The following RPS6KA2 variants were observed in gnomAD, a reference collection of about 807,000 sequenced individuals.
The protein encoded by RPS6KA2 is ribosomal protein S6 kinase alpha-2.
A neutral mutation model predicts 91.8 loss-of-function variants in RPS6KA2; 42 were observed. The ratio of observed to expected loss-of-function variants is 0.46; its 90% CI spans 0.36 to 0.59. The LOEUF is 0.59. RPS6KA2 is among the 20% of genes least tolerant of loss of function. RPS6KA2 has a pLI of 0.00. For synonymous variants in RPS6KA2, 414 were observed against 393.6 expected (o/e 1.05, Z -0.61); for missense variants, 798 against 978.5 (o/e 0.82, Z 2.46).
At chr6:166,676,586 G>A (rs1267141598) in intron 2 of RPS6KA2, among the ~76,000 whole-genome samples, 4 of 152,128 alleles carry the variant, frequency 2.6e-5, no homozygotes, top group East Asian at 1.9e-4. Context: ...AACCAGGACC[G>A]TTCCAGGCAC....
intron 2 of RPS6KA2, among the ~76,000 whole-genome samples, chr6:166,832,036 TGATAGATAGATAGATAGATA>T (rs58214863): frequency 0.028 from 4,071 of 148,022 alleles, 185 homozygotes; most frequent in African/African-American, 0.097. Context: ...AGATGATACA[TGATAGATAGATAGATAGATA>T]GATAGATAGA....
intron 2 of RPS6KA2, among the ~76,000 whole-genome samples, chr6:166,802,130 C>A (rs1051164584): frequency 1.3e-5 from 2 of 151,768 alleles, no homozygotes; most frequent in Non-Finnish European, 2.9e-5. Context: ...ATTAGCCAGG[C>A]GTGGTGGTGG....
intron 2 of RPS6KA2, among the ~76,000 whole-genome samples, chr6:166,847,512 C>T (rs116462244): frequency 0.032 from 4,806 of 152,174 alleles, 276 homozygotes; most frequent in African/African-American, 0.11. Context: ...CCAAACTATA[C>T]TGTAATGTCA....
Position 166,448,295 on chromosome 6 carries a change from G to C in RPS6KA2, c.1332+429C>G, listed in dbSNP as rs1779743543. Among the ~76,000 whole-genome samples the C allele has an allele frequency of 6.6e-6, 1 of 151,918 alleles. No individual in the cohort carries two copies. The highest frequency in any genetic ancestry group is 2.4e-5 in the African/African-American group (1 of 41,336). On this transcript the variant is annotated intron_variant, in intron 14 of 20. Coordinates refer to ENST00000265678, the MANE Select transcript of RPS6KA2 (RefSeq NM_021135.6). This position sits in a 1 kb window ranked among gnomAD's most constrained non-coding sequence, Gnocchi z 4.7. Reference sequence around the variant, plus strand: ...AATTCTATACCTGTCCCCCAACTCTGTTTTCTCAAAATACTGGGGGCCCAA... The same window carrying C: ...AATTCTATACCTGTCCCCCAACTCTCTTTTCTCAAAATACTGGGGGCCCAA...
At chr6:166,440,028 A>G (rs1429152986) in intron 14 of RPS6KA2, 2 of 152,210 alleles carry the variant, frequency 1.3e-5, no homozygotes, top group Admixed American at 6.5e-5. Context: ...GAGCCCGCGG[A>G]AGGAACCAGC....
At chr6:166,430,305 C>G (rs532975992) in intron 16 of RPS6KA2, 148 bp downstream of exon 16, 1 of 758,890 alleles carries the variant, frequency 1.3e-6, no homozygotes, top group South Asian at 1.8e-5. Context: ...CGTCACTGAG[C>G]CTCCAGACAC....
rs1779749041 is a variant in RPS6KA2, at chr6:166,448,530, C to T, written c.1332+194G>A. On this transcript the variant is annotated intron_variant, in intron 14 of 20. Coordinates refer to ENST00000265678, the MANE Select transcript of RPS6KA2 (RefSeq NM_021135.6). This position sits in a 1 kb window ranked among gnomAD's most constrained non-coding sequence, Gnocchi z 4.7. ...CAGGCTCAGGTGTCCCTGCTGGAGT[C>T]ACTGCACAGCTGAGCACGTGAGCAC... Among the ~76,000 whole-genome samples, 2 of 152,206 alleles carry T rather than the reference C, an allele frequency of 1.3e-5. No individual in the cohort carries two copies. Among genetic ancestry groups the T allele is most frequent in the Admixed American group, 1.3e-4 (2 of 15,276 alleles).
Position 166,731,137 on chromosome 6 carries a change from G to C in RPS6KA2, c.123+127063C>G, listed in dbSNP as rs187887121. On this transcript the variant is annotated intron_variant, in intron 2 of 21. Transcript: ENST00000503859. The stretch of plus-strand genomic sequence containing the variant: ...CATGCCTGTAATCCCAGCTACTCGG[G>C]AGGTTGGGGCAGGACAATTGCTTGA... 6.0e-3 allele frequency among the ~76,000 whole-genome samples: 918 copies of C among 152,248 alleles called. 9 individuals carry two copies. The highest frequency in any genetic ancestry group is 0.021 in the African/African-American group (867 of 41,526).
chr6:166,789,280 T>A (rs879725505), intron 2 of RPS6KA2, among the ~76,000 whole-genome samples: 4 of 152,058 alleles, frequency 2.6e-5, no homozygotes, highest in Non-Finnish European at 4.4e-5. Flanking sequence ...CAGTCTAAGA[T>A]CAAACTGCAA....
Position 166,662,129 on chromosome 6 carries a change from CTACT to C in RPS6KA2, c.124-123349_124-123346del, listed in dbSNP as rs1788179007. ...ATTATGAATATTTCTTAATTTTTAC[CTACT>C]TAATATTTTAAAATCAGAAACTGTC... On this transcript the variant is annotated intron_variant, in intron 2 of 21. Transcript: ENST00000503859. This position sits in a 1 kb window ranked among gnomAD's most constrained non-coding sequence, Gnocchi z 4.3. Among the ~76,000 whole-genome samples, 2 of 152,024 alleles carry C rather than the reference CTACT, an allele frequency of 1.3e-5. No homozygotes were observed. The highest frequency in any genetic ancestry group is 2.9e-5 in the Non-Finnish European group (2 of 68,012).
In RPS6KA2 at chr6:166,432,412, T is replaced by C; in HGVS notation, c.1411A>G (p.Thr471Ala). Reference protein sequence around the residue: ...LRYGQHPNIITLKDVYDDGKF... With the variant: ...LRYGQHPNIIALKDVYDDGKF... Reference sequence around the variant, plus strand: ...CGGGGACCACTCACATCCTTGAGGGTGATGATGTTCGGGTGCTGGCCGTAC... The same window carrying C: ...CGGGGACCACTCACATCCTTGAGGGCGATGATGTTCGGGTGCTGGCCGTAC... The change falls in exon 15 of 21, where the codon ACC (threonine) becomes GCC (alanine). Residue 471 changes from threonine to alanine, a missense_variant. By Grantham distance (58) the Thr-to-Ala change is moderately conservative. Transcript: ENST00000265678. The C allele has an allele frequency of 1.2e-6, 2 of 1,610,252 alleles. No individual in the cohort carries two copies. The highest frequency in any genetic ancestry group is 2.2e-5 in the South Asian group (2 of 90,838).
intron 1 of RPS6KA2, among the ~76,000 whole-genome samples, chr6:166,621,293 C>T (rs548382312): frequency 2.8e-4 from 43 of 152,316 alleles, no homozygotes; most frequent in Non-Finnish European, 4.9e-4. Flanking sequence ...GCACATTTGT[C>T]CTCCACGCCC....
Position 166,662,990 on chromosome 6 carries a change from A to G in RPS6KA2, c.124-124206T>C, listed in dbSNP as rs376722444. On this transcript the variant is annotated intron_variant, in intron 2 of 21. Transcript: ENST00000503859. The surrounding 1 kb of genome is among the most constrained non-coding windows in gnomAD (Gnocchi z 4.3). ...TCTGCAAGCAAGAGGAGAGCCACGG[A>G]AGACACCAGCCCCACCAAGACCTCG... Among the ~76,000 whole-genome samples the G allele has an allele frequency of 1.3e-5, 2 of 152,166 alleles. No homozygotes were observed. Among genetic ancestry groups the G allele is most frequent in the African/African-American group, 4.8e-5 (2 of 41,440 alleles).
chr6:166,662,333 T>C lies in RPS6KA2; in HGVS notation c.124-123549A>G, dbSNP rs1788184290. Among the ~76,000 whole-genome samples the C allele has an allele frequency of 6.6e-6, 1 of 152,204 alleles. No homozygotes were observed. The highest frequency in any genetic ancestry group is 2.4e-5 in the African/African-American group (1 of 41,444). On this transcript the variant is annotated intron_variant, in intron 2 of 21. Transcript: ENST00000503859. This position sits in a 1 kb window ranked among gnomAD's most constrained non-coding sequence, Gnocchi z 4.3. The stretch of plus-strand genomic sequence containing the variant: ...TCAGTAAGGTAATTTAGCTATCCAT[T>C]GGCAGGCAAAGGACGTATTTGATGC...
intron 2 of RPS6KA2, among the ~76,000 whole-genome samples, chr6:166,723,937 T>TGATC: frequency 6.6e-6 from 1 of 152,112 alleles, no homozygotes; most frequent in Admixed American, 6.5e-5. Flanking sequence ...TGACCTCAGG[T>TGATC]GATCCACTCT....
At chr6:166,844,474 T>A (rs1307534121) in intron 2 of RPS6KA2, among the ~76,000 whole-genome samples, 1 of 152,294 alleles carries the variant, frequency 6.6e-6, no homozygotes, top group East Asian at 1.9e-4. Context: ...AGTCATCAAG[T>A]TATCTACAGT....
chr6:166,637,205 A>C (rs1023763488), intron 2 of RPS6KA2, among the ~76,000 whole-genome samples: 8 of 152,190 alleles, frequency 5.3e-5, no homozygotes, highest in African/African-American at 1.7e-4. Flanking sequence ...GAGGACAGAG[A>C]GGCTGTGTGG....
chr6:166,438,611 G>C (rs1187138435), intron 14 of RPS6KA2, among the ~76,000 whole-genome samples: 2 of 152,228 alleles, frequency 1.3e-5, no homozygotes, highest in Admixed American at 6.5e-5. Context: ...CAGCCCCACT[G>C]AGCTTGTGCG....
chr6:166,501,668 C>T (rs1233102304), intron 6 of RPS6KA2, among the ~76,000 whole-genome samples: 1 of 152,212 alleles, frequency 6.6e-6, no homozygotes, highest in African/African-American at 2.4e-5. Flanking sequence ...AGGCATAAAT[C>T]CCTTCTTCCC....
Sources: allele counts gnomAD v4.1 joint callset (sites outside exome capture counted in the v4.1 genomes callset), GRCh38; gene constraint gnomAD v4.1.1; non-coding constraint Gnocchi (gnomAD v3.1); transcripts MANE v1.5; gene names NCBI Gene and HGNC (gene_info 2026-07-23, HGNC 2026-07-21).